Variants in KIRREL3 observed in about 807,000 individuals in gnomAD.
KIRREL3 encodes the protein kin of IRRE-like protein 3.
Under a neutral mutation model 89.7 loss-of-function variants are expected in KIRREL3, and 36 were observed. That is an observed-to-expected ratio of 0.40 (90% CI 0.31 to 0.53). KIRREL3 has a LOEUF of 0.53. Among genes scored for constraint, KIRREL3 ranks in the 20% least tolerant of loss-of-function variants. The pLI, the probability that KIRREL3 is intolerant of heterozygous loss-of-function variation, is 0.49. For synonymous variants in KIRREL3, 445 were observed against 441.4 expected, an observed-to-expected ratio of 1.01 and a Z score of -0.10; for missense variants, 864 against 1,056.6, an observed-to-expected ratio of 0.82 and a Z score of 2.53.
In KIRREL3 at chr11:126,623,930, C is replaced by T. The variant is rs537038622; in HGVS notation, c.56-61018G>A. On this transcript the variant is annotated intron_variant, in intron 1 of 16. Coordinates refer to ENST00000525144, the MANE Select transcript of KIRREL3 (RefSeq NM_032531.4). The surrounding 1 kb of genome is among the most constrained non-coding windows in gnomAD (Gnocchi z 4.1). ...CTCTTTTTATTCATTGAGAAAGTAACGGTGAGCAGTTTTGTGAATTCTGTG... is the reference window on the plus strand; with the variant it reads ...CTCTTTTTATTCATTGAGAAAGTAATGGTGAGCAGTTTTGTGAATTCTGTG... Among the ~76,000 whole-genome samples, 51 of 152,232 alleles carry T rather than the reference C, an allele frequency of 3.4e-4. No homozygotes were observed. Among genetic ancestry groups the T allele is most frequent in the African/African-American group, 1.1e-3 (46 of 41,526 alleles).
Position 126,828,673 on chromosome 11 carries a change from C to G in KIRREL3, c.55+171782G>C, listed in dbSNP as rs551342657. On this transcript the variant is annotated intron_variant, in intron 1 of 16. Coordinates refer to ENST00000525144, the MANE Select transcript of KIRREL3 (RefSeq NM_032531.4). ...TCCCTGTCCTAGTCTTGCACGTAGG[C>G]TCTGCAGTCACGCTTAAGAATGCCT... Among the ~76,000 whole-genome samples the G allele has an allele frequency of 9.3e-4, 141 of 152,264 alleles. 1 individual carries two copies. Among genetic ancestry groups the G allele is most frequent in the African/African-American group, 3.0e-3 (123 of 41,546 alleles).
chr11:126,798,198 AC>A (rs1274126142), intron 1 of KIRREL3, among the ~76,000 whole-genome samples: 5 of 74 alleles, frequency 0.068, no homozygotes, highest in African/African-American at 0.18. Context: ...TGGAGAGGCC[AC>A]CAGGTGGCCT....
Position 126,476,068 on chromosome 11 carries a change from C to T in KIRREL3, c.434-2602G>A, listed in dbSNP as rs1349538794. ...CAGAGGGTGGAGCAGGAAGCCCCTT[C>T]TCTCAGGGTGGCTTCAGGTGCAAAC... On this transcript the variant is annotated intron_variant, in intron 4 of 16. Coordinates refer to ENST00000525144, the MANE Select transcript of KIRREL3 (RefSeq NM_032531.4). This position sits in a 1 kb window ranked among gnomAD's most constrained non-coding sequence, Gnocchi z 6.4. Among the ~76,000 whole-genome samples, 1 of 152,208 alleles carries T rather than the reference C, an allele frequency of 6.6e-6. No individual in the cohort carries two copies. The highest frequency in any genetic ancestry group is 1.5e-5 in the Non-Finnish European group (1 of 68,034).
chr11:126,589,547 T>G lies in KIRREL3; in HGVS notation c.56-26635A>C, dbSNP rs75547422. Among the ~76,000 whole-genome samples, 1,462 of 152,302 alleles carry G rather than the reference T, an allele frequency of 9.6e-3. 22 individuals carry two copies. The highest frequency in any genetic ancestry group is 0.011 in the Non-Finnish European group (720 of 68,018). On this transcript the variant is annotated intron_variant, in intron 1 of 16. Transcript: ENST00000525144. ...TTGGTCTTAACCATGTAGGTACTCT[T>G]GTGTTCAAAGGAGGAAATGGAATCT... is the stretch of plus-strand genomic sequence containing the variant.
intron 1 of KIRREL3, among the ~76,000 whole-genome samples, chr11:126,590,112 G>T (rs574652765): frequency 6.6e-6 from 1 of 152,312 alleles, no homozygotes; most frequent in Non-Finnish European, 1.5e-5. Flanking sequence ...GATTCTGAGG[G>T]CTGCATACCT....
At chr11:126,741,475 G>A (rs1029647513) in intron 1 of KIRREL3, among the ~76,000 whole-genome samples, 1 of 152,166 alleles carries the variant, frequency 6.6e-6, no homozygotes, top group African/African-American at 2.4e-5. Flanking sequence ...CCATGCCCAT[G>A]TGTTGAGGGT....
rs1944256021 is a variant in KIRREL3 at position 126,636,118 on chromosome 11, C to A, written c.56-73206G>T. ...ACTATTTTTAGGACCTTGGGGAAGT[C>A]ATATAGAATTTTGAATTTTAGTTCC... On this transcript the variant is annotated intron_variant, in intron 1 of 16. Coordinates refer to ENST00000525144, the MANE Select transcript of KIRREL3 (RefSeq NM_032531.4). This position sits in a 1 kb window ranked among gnomAD's most constrained non-coding sequence, Gnocchi z 4.4. 6.6e-6 allele frequency among the ~76,000 whole-genome samples: 1 copy of A among 152,104 alleles called. No individual in the cohort carries two copies. Among genetic ancestry groups the A allele is most frequent in the African/African-American group, 2.4e-5 (1 of 41,396 alleles).
intron 2 of KIRREL3, among the ~76,000 whole-genome samples, chr11:126,554,868 G>A (rs1939581954): frequency 1.3e-5 from 2 of 152,162 alleles, no homozygotes; most frequent in African/African-American, 2.4e-5. Context: ...AGTAACACAA[G>A]CGGCTGAGCG....
intron 1 of KIRREL3, among the ~76,000 whole-genome samples, chr11:126,816,848 G>A (rs1951589507): frequency 1.3e-5 from 2 of 152,154 alleles, no homozygotes; most frequent in South Asian, 4.1e-4. Flanking sequence ...CAAACGCAGG[G>A]AAGAGAAATA....
At chr11:126,968,927 A>T (rs1390040826) in intron 1 of KIRREL3, among the ~76,000 whole-genome samples, 4 of 152,124 alleles carry the variant, frequency 2.6e-5, no homozygotes, top group African/African-American at 9.7e-5. Context: ...TCTGTAAAAA[A>T]CGGGGCATGA....
At position 126,562,895 on chromosome 11, in the gene KIRREL3, T is replaced by G. The variant is rs769856807; in HGVS notation, c.73A>C (p.Arg25=). 1.9e-6 allele frequency: 3 copies of G among 1,613,758 alleles called. No homozygotes were observed. The South Asian group carries it at 3.3e-5, about 18-fold the overall frequency. The part of the protein sequence containing the change: ...LFSQELGLQK[R]GCCLVLGYMA... ...TAGCCCAGCACCAGACAGCATCCTCTCTTCTGGAGGCCCAGCTCTGGAAGA... is the reference window on the plus strand; with the variant it reads ...TAGCCCAGCACCAGACAGCATCCTCGCTTCTGGAGGCCCAGCTCTGGAAGA... Residue 25 remains arginine, a synonymous_variant, in exon 2 of 17, where the codon AGA becomes CGA. Coordinates refer to ENST00000525144, the MANE Select transcript of KIRREL3 (RefSeq NM_032531.4). The surrounding 1 kb of genome is among the most constrained non-coding windows in gnomAD (Gnocchi z 4.7).
At position 126,954,172 on chromosome 11, in the gene KIRREL3, T is replaced by C. The variant is rs970351051; in HGVS notation, c.55+46283A>G. 6.6e-6 allele frequency among the ~76,000 whole-genome samples: 1 copy of C among 151,818 alleles called. No homozygotes were observed. Among genetic ancestry groups the C allele is most frequent in the African/African-American group, 2.4e-5 (1 of 41,292 alleles). ...GGGTGGTATTGAGGTATTGAGGTCA[T>C]CACTTATAGGTAAGTACTGGAGGAT... is the stretch of plus-strand genomic sequence containing the variant. On this transcript the variant is annotated intron_variant, in intron 1 of 16. Coordinates refer to ENST00000525144, the MANE Select transcript of KIRREL3 (RefSeq NM_032531.4). This position sits in a 1 kb window ranked among gnomAD's most constrained non-coding sequence, Gnocchi z 4.1.
chr11:126,508,559 T>C lies in KIRREL3; in HGVS notation c.433+12756A>G, dbSNP rs1401830902. Among the ~76,000 whole-genome samples the C allele has an allele frequency of 6.6e-6, 1 of 152,088 alleles. No individual in the cohort carries two copies. The highest frequency in any genetic ancestry group is 1.5e-5 in the Non-Finnish European group (1 of 68,002). On this transcript the variant is annotated intron_variant, in intron 4 of 16. Coordinates refer to ENST00000525144, the MANE Select transcript of KIRREL3 (RefSeq NM_032531.4). The surrounding 1 kb of genome is among the most constrained non-coding windows in gnomAD (Gnocchi z 4.9). The stretch of plus-strand genomic sequence containing the variant: ...GATGGTGGAAGGGTTCAAGCAGGGC[T>C]CCTGGAGTTCCCAGGGGCTAGGAAG...
rs534722163 is a variant in KIRREL3, at chr11:126,750,309, T to G, written c.56-187397A>C. Among the ~76,000 whole-genome samples, 3 of 152,284 alleles carry G rather than the reference T, an allele frequency of 2.0e-5. No homozygotes were observed. In the East Asian group the frequency reaches 5.8e-4, roughly 29 times the overall value. ...CCCCATTGAACACATTTCTGTTCCT[T>G]GAAGGTGGCATGAGGATGTTCTCAA... is the stretch of plus-strand genomic sequence containing the variant. On this transcript the variant is annotated intron_variant, in intron 1 of 16. Coordinates refer to ENST00000525144, the MANE Select transcript of KIRREL3 (RefSeq NM_032531.4). This position sits in a 1 kb window ranked among gnomAD's most constrained non-coding sequence, Gnocchi z 4.2.
At position 126,664,843 on chromosome 11, in the gene KIRREL3, AG is replaced by A. The variant is rs1342787336; in HGVS notation, c.56-101932del. Among the ~76,000 whole-genome samples the A allele has an allele frequency of 6.6e-6, 1 of 152,146 alleles. No individual in the cohort carries two copies. The highest frequency in any genetic ancestry group is 1.5e-5 in the Non-Finnish European group (1 of 68,018). On this transcript the variant is annotated intron_variant, in intron 1 of 16. Coordinates refer to ENST00000525144, the MANE Select transcript of KIRREL3 (RefSeq NM_032531.4). The surrounding 1 kb of genome is among the most constrained non-coding windows in gnomAD (Gnocchi z 5.4). ...CTATGAACCTCTTGTGCCCTTAGAC[AG>A]GGGGGCATTCCCTGCCTCAACCACA...
intron 1 of KIRREL3, among the ~76,000 whole-genome samples, chr11:126,874,766 T>C (rs1592262160): frequency 6.6e-6 from 1 of 152,196 alleles, no homozygotes; most frequent in East Asian, 1.9e-4. Flanking sequence ...CCCAGTTGGC[T>C]GTGCGTGGAA....
chr11:126,757,935 A>G (rs1184856768), intron 1 of KIRREL3, among the ~76,000 whole-genome samples: 2 of 152,194 alleles, frequency 1.3e-5, no homozygotes, highest in South Asian at 4.1e-4. Flanking sequence ...CTTATTCTGT[A>G]TGGGATGGCA....
rs183701532 is a variant in KIRREL3 at position 126,912,853 on chromosome 11, G to A, written c.55+87602C>T. On this transcript the variant is annotated intron_variant, in intron 1 of 16. Transcript: ENST00000525144. The surrounding 1 kb of genome is among the most constrained non-coding windows in gnomAD (Gnocchi z 4.7). ...TGATGAAATTTCTTGGCCACTACTG[G>A]CCATTCATGATCATAATTACCAATG... is the stretch of plus-strand genomic sequence containing the variant. Among the ~76,000 whole-genome samples the A allele has an allele frequency of 5.6e-4, 86 of 152,320 alleles. No homozygotes were observed. Among genetic ancestry groups the A allele is most frequent in the African/African-American group, 1.9e-3 (81 of 41,566 alleles).
chr11:127,000,519 C>A lies in KIRREL3; in HGVS notation c.-10G>T. On this transcript the variant is annotated 5_prime_UTR_variant, in exon 1 of 17. Coordinates refer to ENST00000525144, the MANE Select transcript of KIRREL3 (RefSeq NM_032531.4). The surrounding 1 kb of genome is among the most constrained non-coding windows in gnomAD (Gnocchi z 7.1). ...GCTGGAAGGGTTTCATTCCTTAGCGCAGCGAAGGAAAGCCGGCGGGGTAAC... is the reference window on the plus strand; with the variant it reads ...GCTGGAAGGGTTTCATTCCTTAGCGAAGCGAAGGAAAGCCGGCGGGGTAAC... The A allele has an allele frequency of 6.2e-7, 1 of 1,602,714 alleles. No homozygotes were observed. Among genetic ancestry groups the A allele is most frequent in the Non-Finnish European group, 8.5e-7 (1 of 1,174,738 alleles).
Sources: gnomAD v4.1 joint callset for allele counts (sites outside exome capture counted in the v4.1 genomes callset) on GRCh38, gnomAD v4.1.1 for gene constraint, Gnocchi (gnomAD v3.1) non-coding constraint, MANE v1.5 for transcripts, NCBI Gene and HGNC (gene_info 2026-07-23, HGNC 2026-07-21) for gene names.